SH3PXD2A: variants seen among roughly 807,000 people sequenced by gnomAD.
SH3PXD2A encodes the protein SH3 and PX domain-containing protein 2A.
In SH3PXD2A, 32 loss-of-function variants were observed where a neutral mutation model predicts 115.2. That is an observed-to-expected ratio of 0.28 (90% CI 0.21 to 0.37). The LOEUF is 0.37. SH3PXD2A is among the 10% of genes least tolerant of loss of function. SH3PXD2A has a pLI of 1.00. For missense variants in SH3PXD2A, 1,328 were observed against 1,498.7 expected (o/e 0.89, Z 1.88); for synonymous variants, 610 against 629.1 (o/e 0.97, Z 0.45).
chr10:103,789,061 C>T (rs1161808478), intron 2 of SH3PXD2A, among the ~76,000 whole-genome samples: 3 of 152,116 alleles, frequency 2.0e-5, no homozygotes, highest in Admixed American at 1.3e-4. Flanking sequence ...ATAACTCTAT[C>T]TTCCCTCAGA....
At chr10:103,808,212 C>T (rs1413020920) in intron 1 of SH3PXD2A, among the ~76,000 whole-genome samples, 10 of 152,120 alleles carry the variant, frequency 6.6e-5, no homozygotes, top group East Asian at 3.9e-4. Flanking sequence ...TGCACACCAC[C>T]GGGAAGCAGT....
chr10:103,647,579 TCACTTGGTGCTTG>T (rs1248523471), intron 8 of SH3PXD2A, among the ~76,000 whole-genome samples: 4 of 152,202 alleles, frequency 2.6e-5, no homozygotes, highest in Non-Finnish European at 4.4e-5. Context: ...ACATGGAGCC[TCACTTGGTGCTTG>T]CACATGGTGC....
chr10:103,847,143 T>C (rs1020387568), intron 1 of SH3PXD2A, among the ~76,000 whole-genome samples: 2 of 152,194 alleles, frequency 1.3e-5, no homozygotes, highest in Admixed American at 6.5e-5. Context: ...GTTTGAAGCA[T>C]TGCATTTACT....
intron 5 of SH3PXD2A, among the ~76,000 whole-genome samples, chr10:103,702,626 G>A (rs2863995): frequency 0.36 from 30,617 of 86,028 alleles, 3,410 homozygotes; most frequent in East Asian, 0.6. Flanking sequence ...TGCTGGGTGC[G>A]GAGGGCAAGA....
chr10:103,688,338 A>G (rs1045246907), intron 6 of SH3PXD2A, among the ~76,000 whole-genome samples: 1 of 152,226 alleles, frequency 6.6e-6, no homozygotes, highest in Non-Finnish European at 1.5e-5. Flanking sequence ...CCATTCAAAA[A>G]GTACCAGTGG....
chr10:103,815,408 T>C (rs1044224919), intron 1 of SH3PXD2A, among the ~76,000 whole-genome samples: 3 of 148,914 alleles, frequency 2.0e-5, no homozygotes, highest in African/African-American at 7.3e-5. Context: ...TTATACACTA[T>C]ATGTATTTAT....
intron 3 of SH3PXD2A, among the ~76,000 whole-genome samples, chr10:103,762,468 G>A (rs1790448051): frequency 6.6e-6 from 1 of 152,196 alleles, no homozygotes; most frequent in African/African-American, 2.4e-5. Context: ...TACGGGGTTT[G>A]GAGGCATAGG....
At chr10:103,630,370 C>T (rs1173151028) in intron 8 of SH3PXD2A, among the ~76,000 whole-genome samples, 1 of 152,172 alleles carries the variant, frequency 6.6e-6, no homozygotes, top group Non-Finnish European at 1.5e-5. Flanking sequence ...TTCCTGTCTC[C>T]CTGGGCTGCA....
rs555489107 is a variant in SH3PXD2A at position 103,846,288 on chromosome 10, C to T, written c.72+8907G>A. The stretch of plus-strand genomic sequence containing the variant: ...TCAGCCACTTAGATATCACTTCCTC[C>T]GCTCAGGTAACAGCAGGGAGAGATG... On this transcript the variant is annotated intron_variant, in intron 1 of 14. Coordinates refer to ENST00000369774, the MANE Select transcript of SH3PXD2A (RefSeq NM_001394015.1). Among the ~76,000 whole-genome samples the T allele has an allele frequency of 2.7e-4, 41 of 152,212 alleles. No individual in the cohort carries two copies. In the South Asian group the frequency reaches 5.6e-3, roughly 21 times the overall value.
chr10:103,722,918 C>T (rs1178268366), intron 5 of SH3PXD2A, among the ~76,000 whole-genome samples: 1 of 152,192 alleles, frequency 6.6e-6, no homozygotes, highest in African/African-American at 2.4e-5. Flanking sequence ...CCAGGTGGGC[C>T]TCGGAGCTGC....
intron 6 of SH3PXD2A, 141 bp downstream of exon 6, chr10:103,692,887 C>T (rs1592304275): frequency 1.4e-6 from 1 of 690,108 alleles, no homozygotes; most frequent in South Asian, 1.7e-5. Context: ...GCGAGTACCC[C>T]TGGCCCGGCA....
chr10:103,810,440 C>A (rs973385171), intron 1 of SH3PXD2A, among the ~76,000 whole-genome samples: 1 of 152,112 alleles, frequency 6.6e-6, no homozygotes, highest in Non-Finnish European at 1.5e-5. Flanking sequence ...GAGAAGTGAG[C>A]CTCAGAAGGG....
intron 3 of SH3PXD2A, among the ~76,000 whole-genome samples, chr10:103,750,587 T>C (rs545785315): frequency 5.5e-4 from 84 of 152,298 alleles, no homozygotes; most frequent in Non-Finnish European, 1.1e-3. Context: ...TGAGCGATTC[T>C]CATGTACCTC....
chr10:103,841,683 C>T (rs1453963227), intron 1 of SH3PXD2A, among the ~76,000 whole-genome samples: 1 of 152,142 alleles, frequency 6.6e-6, no homozygotes, highest in Non-Finnish European at 1.5e-5. Context: ...TCAGGCCACA[C>T]CAGCCACCTC....
At chr10:103,785,373 G>A (rs755910232) in intron 2 of SH3PXD2A, among the ~76,000 whole-genome samples, 5 of 152,170 alleles carry the variant, frequency 3.3e-5, no homozygotes, top group East Asian at 1.9e-4. Flanking sequence ...CAGATAAGGG[G>A]AAGAGCTGGC....
chr10:103,617,173 G>A (rs1212545612), intron 11 of SH3PXD2A, 24 bp downstream of exon 11: 19 of 1,535,400 alleles, frequency 1.2e-5, no homozygotes, highest in Middle Eastern at 1.7e-4. Context: ...GAGGCATCTC[G>A]TTCATAATGT....
At chr10:103,613,310 T>C in intron 11 of SH3PXD2A, 120 bp from the exon 12 acceptor site, 1 of 734,450 alleles carries the variant, frequency 1.4e-6, no homozygotes, top group Non-Finnish European at 2.2e-6. Flanking sequence ...TCTGCAAGGC[T>C]TGGCAATCCC....
At chr10:103,604,729 G>A (rs2036274501) in intron 14 of SH3PXD2A, among the ~76,000 whole-genome samples, 1 of 152,198 alleles carries the variant, frequency 6.6e-6, no homozygotes, top group Non-Finnish European at 1.5e-5. Flanking sequence ...CTCCTTCTTT[G>A]GGTCCTACAT....
chr10:103,617,551 G>C lies in SH3PXD2A; in HGVS notation c.803-237C>G, dbSNP rs1000668791. ...GTGTGCCAAAGCCAGCCAGGACCCA[G>C]GTTGTCAGGCAAGGCCCTGGGAGCA... is the stretch of plus-strand genomic sequence containing the variant. On this transcript the variant is annotated intron_variant, in intron 10 of 14. Coordinates refer to ENST00000369774, the MANE Select transcript of SH3PXD2A (RefSeq NM_001394015.1). Among the ~76,000 whole-genome samples, 6 of 152,238 alleles carry C rather than the reference G, an allele frequency of 3.9e-5. No homozygotes were observed. The East Asian group carries it at 9.6e-4, about 24-fold the overall frequency.
Sources: gnomAD v4.1 joint callset for allele counts (sites outside exome capture counted in the v4.1 genomes callset) on GRCh38, gnomAD v4.1.1 for gene constraint, MANE v1.5 for transcripts, NCBI Gene and HGNC (gene_info 2026-07-23, HGNC 2026-07-21) for gene names.